DCC: variants seen among roughly 807,000 people sequenced by gnomAD.
DCC encodes DCC netrin 1 receptor.
In DCC, 58 loss-of-function variants were observed where a neutral mutation model predicts 172.5. The ratio of observed to expected loss-of-function variants is 0.34; its 90% confidence interval spans 0.27 to 0.42. The LOEUF (loss-of-function observed/expected upper bound fraction) is 0.42. Ranked by LOEUF, DCC falls within the 10% of genes least tolerant of loss-of-function variation. The pLI, the probability that DCC is intolerant of heterozygous loss-of-function variation, is 1.00. For synonymous variants in DCC, 709 were observed against 644.5 expected, an observed-to-expected ratio of 1.10 and a Z score of -1.52; for missense variants, 1,740 against 1,791.0, an observed-to-expected ratio of 0.97 and a Z score of 0.51.
chr18:53,477,799 C>G lies in DCC; in HGVS notation c.3737-8998C>G, dbSNP rs145325513. On this transcript the variant is annotated intron_variant, in intron 25 of 28. Transcript: ENST00000442544. ...GCATATGCTACTCCTTATCCCCAAG[C>G]ATTCTTCACAGTAAAATTAGCTGAG... is the stretch of plus-strand genomic sequence containing the variant. Among the ~76,000 whole-genome samples, 568 of 152,280 alleles carry G rather than the reference C, an allele frequency of 3.7e-3. 4 individuals are homozygous for G. Among genetic ancestry groups the G allele is most frequent in the Middle Eastern group, 0.01 (3 of 294 alleles).
intron 2 of DCC, among the ~76,000 whole-genome samples, chr18:52,859,304 C>G (rs566011164): frequency 7.2e-5 from 11 of 152,226 alleles, no homozygotes; most frequent in African/African-American, 2.6e-4. Context: ...GGAAGACTTT[C>G]TCTTCACCTT....
intron 2 of DCC, among the ~76,000 whole-genome samples, chr18:52,772,306 G>C (rs1248290564): frequency 6.6e-6 from 1 of 152,166 alleles, no homozygotes; most frequent in Admixed American, 6.5e-5. Flanking sequence ...GATATCAAGA[G>C]AATAATAGCG....
intron 15 of DCC, among the ~76,000 whole-genome samples, chr18:53,373,460 C>T (rs2058079535): frequency 6.6e-6 from 1 of 152,052 alleles, no homozygotes; most frequent in African/African-American, 2.4e-5. Context: ...TGGCCAGAAG[C>T]TATATTTATT....
chr18:52,781,029 T>A (rs1007088799), intron 2 of DCC, among the ~76,000 whole-genome samples: 4 of 152,140 alleles, frequency 2.6e-5, no homozygotes, highest in African/African-American at 9.7e-5. Flanking sequence ...TTCATCAAAG[T>A]TTTTATTAAA....
At chr18:53,198,517 C>T (rs561434007) in intron 9 of DCC, among the ~76,000 whole-genome samples, 186 of 151,976 alleles carry the variant, frequency 1.2e-3, no homozygotes, top group African/African-American at 3.8e-3. Flanking sequence ...TATATGTAAT[C>T]AATCATGCTT....
chr18:52,975,151 C>A (rs1225182779), intron 5 of DCC, among the ~76,000 whole-genome samples: 1 of 152,108 alleles, frequency 6.6e-6, no homozygotes, highest in African/African-American at 2.4e-5. Context: ...AAACTAGTAA[C>A]CTCGACCACA....
intron 1 of DCC, among the ~76,000 whole-genome samples, chr18:52,723,583 G>A (rs2036505004): frequency 1.3e-5 from 2 of 152,154 alleles, no homozygotes; most frequent in African/African-American, 4.8e-5. Context: ...CTAACTTACA[G>A]AGGGTGAGGC....
chr18:52,494,904 A>C (rs2030682434), intron 1 of DCC, among the ~76,000 whole-genome samples: 1 of 152,052 alleles, frequency 6.6e-6, no homozygotes, highest in South Asian at 2.1e-4. Context: ...ACTATGTATA[A>C]AAATTTAGAT....
In DCC at chr18:52,494,294, C is replaced by G. The variant is rs868312388; in HGVS notation, c.91+153416C>G. Among the ~76,000 whole-genome samples the G allele has an allele frequency of 4.9e-3, 526 of 108,172 alleles. 4 individuals are homozygous for G. The highest frequency in any genetic ancestry group is 0.017 in the African/African-American group (490 of 28,392). The allele number at this position is 108,172 out of a possible 152,430, so 71.0% of individuals were successfully genotyped here. A position where few individuals can be genotyped will look rare whatever the true frequency, so the allele number is the denominator to read the frequency against. ...TGTGTGTGTGTGTGTGTGTGTGTGT[C>G]TGTGCCTGTGTGCATAGGTGTGTGT... On this transcript the variant is annotated intron_variant, in intron 1 of 28. Transcript: ENST00000442544.
intron 1 of DCC, among the ~76,000 whole-genome samples, chr18:52,439,870 A>T (rs1987920756): frequency 1.3e-5 from 2 of 152,240 alleles, no homozygotes; most frequent in South Asian, 4.1e-4. Context: ...TACCTCATAA[A>T]TATACACACC....
chr18:52,942,126 C>T (rs908145335), intron 5 of DCC, among the ~76,000 whole-genome samples: 9 of 151,962 alleles, frequency 5.9e-5, no homozygotes, highest in East Asian at 1.9e-4. Flanking sequence ...CAGGATTTTG[C>T]CACTAATTAT....
chr18:52,436,703 T>C (rs956242246), intron 1 of DCC, among the ~76,000 whole-genome samples: 1 of 151,916 alleles, frequency 6.6e-6, no homozygotes, highest in African/African-American at 2.4e-5. Flanking sequence ...GGGCCAGGAG[T>C]TCGAGAACAG....
At chr18:53,349,012 A>G (rs1464422251) in intron 15 of DCC, among the ~76,000 whole-genome samples, 2 of 152,112 alleles carry the variant, frequency 1.3e-5, no homozygotes, top group Non-Finnish European at 2.9e-5. Context: ...GCTGGTTTGA[A>G]TTTCTCCTCA....
chr18:53,132,314 G>A (rs1484381383), intron 7 of DCC, among the ~76,000 whole-genome samples: 1 of 152,058 alleles, frequency 6.6e-6, no homozygotes, highest in African/African-American at 2.4e-5. Context: ...CTAACTTGGG[G>A]TTATTGAATC....
At chr18:53,101,820 TGTGTGTATTTGTGTGTGTGTGC>T (rs1246857686) in intron 7 of DCC, among the ~76,000 whole-genome samples, 1 of 112,698 alleles carries the variant, frequency 8.9e-6, no homozygotes, top group East Asian at 2.3e-4. Context: ...TGTGTGTGTG[TGTGTGTATTTGTGTGTGTGTGC>T]GTGTGCGTGT....
chr18:52,784,319 C>T (rs950703931), intron 2 of DCC, among the ~76,000 whole-genome samples: 7 of 152,032 alleles, frequency 4.6e-5, no homozygotes, highest in African/African-American at 1.7e-4. Flanking sequence ...TCCATTTACT[C>T]GATGGGTACT....
chr18:53,350,289 T>C (rs1311925639), intron 15 of DCC, among the ~76,000 whole-genome samples: 1 of 152,182 alleles, frequency 6.6e-6, no homozygotes, highest in Non-Finnish European at 1.5e-5. Context: ...GTTCTTAGAA[T>C]TTAGCATTGC....
chr18:52,860,637 G>C (rs906066498), intron 2 of DCC, among the ~76,000 whole-genome samples: 2 of 152,190 alleles, frequency 1.3e-5, no homozygotes, highest in African/African-American at 4.8e-5. Context: ...TTTAGTCTTA[G>C]AATACTCAGC....
intron 13 of DCC, among the ~76,000 whole-genome samples, chr18:53,314,318 G>A (rs2057319385): frequency 1.3e-5 from 2 of 152,118 alleles, no homozygotes; most frequent in Admixed American, 1.3e-4. Flanking sequence ...TCTTGATAAA[G>A]GTTTGATAAA....
Sources: allele counts gnomAD v4.1 joint callset (sites outside exome capture counted in the v4.1 genomes callset), GRCh38; gene constraint gnomAD v4.1.1; transcripts MANE v1.5; gene names NCBI Gene and HGNC (gene_info 2026-07-23, HGNC 2026-07-21).